Variants in KCNB2 observed in about 807,000 individuals in gnomAD.
The protein encoded by KCNB2 is potassium voltage-gated channel subfamily B member 2.
A neutral mutation model predicts 61.5 loss-of-function variants in KCNB2; 15 were observed. That is an observed-to-expected ratio of 0.24 (90% CI 0.16 to 0.38). KCNB2 has a LOEUF of 0.38. Among genes scored for constraint, KCNB2 ranks in the 10% least tolerant of loss-of-function variants. KCNB2 has a pLI of 1.00. For missense variants in KCNB2, 828 were observed against 1,125.2 expected (o/e 0.74, Z 3.78); for synonymous variants, 457 against 446.0 (o/e 1.02, Z -0.31).
intron 2 of KCNB2, among the ~76,000 whole-genome samples, chr8:72,887,342 A>G (rs1460121608): frequency 6.6e-6 from 1 of 152,212 alleles, no homozygotes; most frequent in African/African-American, 2.4e-5. Context: ...GCAAGATGGA[A>G]AATATTACCT....
At chr8:72,823,606 C>A (rs538380263) in intron 2 of KCNB2, among the ~76,000 whole-genome samples, 15 of 152,294 alleles carry the variant, frequency 9.8e-5, no homozygotes, top group African/African-American at 3.6e-4. Context: ...AAACTAAATT[C>A]TCAAGAGGCA....
intron 2 of KCNB2, among the ~76,000 whole-genome samples, chr8:72,577,704 A>G (rs1484669783): frequency 2.0e-5 from 3 of 152,124 alleles, no homozygotes; most frequent in East Asian, 3.8e-4. Context: ...GCCACTTTAA[A>G]TAGCTACTTC....
At chr8:72,624,318 A>G (rs189172866) in intron 2 of KCNB2, among the ~76,000 whole-genome samples, 1 of 152,202 alleles carries the variant, frequency 6.6e-6, no homozygotes, top group Admixed American at 6.5e-5. Context: ...CTGGGAAAAC[A>G]TCCTCGAAGA....
At chr8:72,811,637 A>C (rs752881775) in intron 2 of KCNB2, among the ~76,000 whole-genome samples, 1 of 152,106 alleles carries the variant, frequency 6.6e-6, no homozygotes, top group Non-Finnish European at 1.5e-5. Flanking sequence ...CCAGGTAAAC[A>C]TTTCCTTTTT....
chr8:72,895,724 T>G (rs1422708841), intron 2 of KCNB2, among the ~76,000 whole-genome samples: 1 of 152,114 alleles, frequency 6.6e-6, no homozygotes, highest in Admixed American at 6.6e-5. Flanking sequence ...AGGCAAATCT[T>G]TGTCCATAAA....
chr8:72,768,219 C>G (rs145519016), intron 2 of KCNB2, among the ~76,000 whole-genome samples: 455 of 152,214 alleles, frequency 3.0e-3, no homozygotes, highest in African/African-American at 0.011. Context: ...CCCTGTTGCC[C>G]AGGCTGGAGT....
At chr8:72,623,054 A>T (rs1805735802) in intron 2 of KCNB2, among the ~76,000 whole-genome samples, 1 of 152,212 alleles carries the variant, frequency 6.6e-6, no homozygotes, top group Non-Finnish European at 1.5e-5. Flanking sequence ...CTGAAGGTTT[A>T]CAAATATCAT....
At chr8:72,846,272 G>A (rs1809992224) in intron 2 of KCNB2, among the ~76,000 whole-genome samples, 1 of 152,094 alleles carries the variant, frequency 6.6e-6, no homozygotes, top group African/African-American at 2.4e-5. Flanking sequence ...TCCATGGGCT[G>A]CACCCACTGT....
At chr8:72,716,453 G>A (rs1807442395) in intron 2 of KCNB2, among the ~76,000 whole-genome samples, 2 of 152,152 alleles carry the variant, frequency 1.3e-5, no homozygotes, top group Middle Eastern at 3.2e-3. Context: ...CCATCAAAAA[G>A]CTTATCCACC....
intron 2 of KCNB2, among the ~76,000 whole-genome samples, chr8:72,605,693 T>C (rs553443299): frequency 1.3e-5 from 2 of 152,344 alleles, no homozygotes; most frequent in East Asian, 1.9e-4. Flanking sequence ...ACCAATTTCA[T>C]TGGAAATAAA....
intron 1 of KCNB2, among the ~76,000 whole-genome samples, chr8:72,551,981 T>C (rs1253512999): frequency 2.0e-5 from 3 of 152,146 alleles, no homozygotes; most frequent in Admixed American, 6.6e-5. Flanking sequence ...AGAACTGCTG[T>C]TCAGGGTAGG....
chr8:72,720,468 A>G (rs1344720437), intron 2 of KCNB2, among the ~76,000 whole-genome samples: 1 of 152,144 alleles, frequency 6.6e-6, no homozygotes, highest in Non-Finnish European at 1.5e-5. Flanking sequence ...CTTTCTTTCA[A>G]AAGCCCTTCA....
chr8:72,775,667 C>G (rs914833947), intron 2 of KCNB2, among the ~76,000 whole-genome samples: 3 of 152,016 alleles, frequency 2.0e-5, no homozygotes, highest in African/African-American at 7.2e-5. Flanking sequence ...CTGACCCTCC[C>G]CCCTTCCAGC....
At chr8:72,624,836 T>C (rs186019553) in intron 2 of KCNB2, among the ~76,000 whole-genome samples, 16 of 152,288 alleles carry the variant, frequency 1.1e-4, no homozygotes, top group African/African-American at 2.2e-4. Context: ...TGCTGGAGCC[T>C]CTCCTTGCTG....
chr8:72,611,751 G>A (rs1805544215), intron 2 of KCNB2, among the ~76,000 whole-genome samples: 1 of 152,070 alleles, frequency 6.6e-6, no homozygotes, highest in Non-Finnish European at 1.5e-5. Context: ...TTATATTGGT[G>A]ATACATGAGA....
At chr8:72,835,209 G>A (rs1809761793) in intron 2 of KCNB2, among the ~76,000 whole-genome samples, 1 of 152,162 alleles carries the variant, frequency 6.6e-6, no homozygotes, top group Non-Finnish European at 1.5e-5. Flanking sequence ...AATGCAGAAT[G>A]TAGTTGTGTT....
intron 2 of KCNB2, among the ~76,000 whole-genome samples, chr8:72,818,166 A>T (rs1421898063): frequency 2.0e-5 from 3 of 152,026 alleles, no homozygotes; most frequent in Non-Finnish European, 4.4e-5. Flanking sequence ...TTTATCCTCC[A>T]ACAACAACAA....
intron 2 of KCNB2, among the ~76,000 whole-genome samples, chr8:72,726,306 C>T (rs1358092864): frequency 6.6e-6 from 1 of 152,186 alleles, no homozygotes; most frequent in East Asian, 1.9e-4. Flanking sequence ...GCACCTTGAT[C>T]TCAGATTTCC....
intron 2 of KCNB2, among the ~76,000 whole-genome samples, chr8:72,708,270 G>A (rs867698200): frequency 8.4e-4 from 127 of 151,870 alleles, no homozygotes; most frequent in African/African-American, 3.0e-3. Context: ...GAAGAAATGT[G>A]GCTTCTTATG....
Sources: allele counts gnomAD v4.1 joint callset (sites outside exome capture counted in the v4.1 genomes callset), GRCh38; gene constraint gnomAD v4.1.1; transcripts MANE v1.5; gene names NCBI Gene and HGNC (gene_info 2026-07-23, HGNC 2026-07-21).